PEAK1: variants seen among roughly 807,000 people sequenced by gnomAD.
PEAK1 encodes the protein inactive tyrosine-protein kinase PEAK1.
A neutral mutation model predicts 124.7 loss-of-function variants in PEAK1; 54 were observed. The ratio of observed to expected loss-of-function variants is 0.43; its 90% CI spans 0.35 to 0.54. The LOEUF (loss-of-function observed/expected upper bound fraction) is 0.54. PEAK1 is among the 20% of genes least tolerant of loss of function. PEAK1 has a pLI of 0.01. For missense variants in PEAK1, 2,046 were observed against 2,134.5 expected (o/e 0.96, Z 0.82); for synonymous variants, 719 against 760.0 (o/e 0.95, Z 0.89).
intron 7 of PEAK1, among the ~76,000 whole-genome samples, chr15:77,175,850 A>AC (rs1214106286): frequency 1.3e-5 from 2 of 152,186 alleles, no homozygotes; most frequent in African/African-American, 2.4e-5. Context: ...CTTGGAACCA[A>AC]CCCAAATGTC....
At chr15:77,410,841 CT>C (rs982623692) in intron 1 of PEAK1, among the ~76,000 whole-genome samples, 4 of 152,202 alleles carry the variant, frequency 2.6e-5, no homozygotes, top group Admixed American at 1.3e-4. Context: ...TACCTGCCCC[CT>C]ATCCTACAAA....
chr15:77,119,269 C>T (rs948798237), intron 9 of PEAK1, among the ~76,000 whole-genome samples: 7 of 152,188 alleles, frequency 4.6e-5, no homozygotes, highest in African/African-American at 1.4e-4. Context: ...GTCAGAGGAA[C>T]ATCAAAAGGG....
At chr15:77,275,640 C>T (rs1326844681) in intron 5 of PEAK1, among the ~76,000 whole-genome samples, 3 of 151,536 alleles carry the variant, frequency 2.0e-5, no homozygotes, top group South Asian at 2.1e-4. Flanking sequence ...TGCTTGAACC[C>T]GGGAGACGGA....
At chr15:77,299,193 T>A (rs6495237) in intron 2 of PEAK1, among the ~76,000 whole-genome samples, 3 of 152,032 alleles carry the variant, frequency 2.0e-5, no homozygotes, top group Admixed American at 6.5e-5. Context: ...AATATCTTAA[T>A]TTTCTTCAAG....
chr15:77,356,049 C>A, intron 2 of PEAK1: 1 of 563,810 alleles, frequency 1.8e-6, no homozygotes, highest in African/African-American at 2.0e-5. Context: ...CATGTGCACA[C>A]GACCTGGCCC....
intron 5 of PEAK1, chr15:77,255,521 T>TGAGAACAC: frequency 1.2e-5 from 4 of 323,156 alleles, no homozygotes; most frequent in Non-Finnish European, 1.8e-5. Flanking sequence ...ACAAGAAAAA[T>TGAGAACAC]ATTCCCAAAA....
intron 2 of PEAK1, chr15:77,348,200 AAG>A: frequency 1.0e-6 from 1 of 982,786 alleles, no homozygotes; most frequent in Non-Finnish European, 1.2e-6. Context: ...AAAAAAAAAA[AAG>A]AAGACTGGGA....
chr15:77,369,642 G>A (rs1286873850), intron 1 of PEAK1, among the ~76,000 whole-genome samples: 2 of 152,126 alleles, frequency 1.3e-5, no homozygotes, highest in Non-Finnish European at 2.9e-5. Context: ...AGTTTAAAGG[G>A]GATCTTTACA....
chr15:77,347,409 T>A, intron 2 of PEAK1: 1 of 985,338 alleles, frequency 1.0e-6, no homozygotes, highest in Non-Finnish European at 1.2e-6. Flanking sequence ...GAGTACTGGC[T>A]GAATCAGTGC....
At chr15:77,314,526 C>T (rs1283566825) in intron 2 of PEAK1, among the ~76,000 whole-genome samples, 8 of 152,018 alleles carry the variant, frequency 5.3e-5, no homozygotes, top group African/African-American at 1.4e-4. Context: ...CATACCACCA[C>T]GCCCAGCTAA....
chr15:77,348,534 T>C (rs1265507270), intron 2 of PEAK1: 12 of 962,602 alleles, frequency 1.2e-5, no homozygotes, highest in Non-Finnish European at 1.5e-5. Context: ...ATTTTACCTA[T>C]GAAGAAATAA....
intron 1 of PEAK1, chr15:77,419,375 T>G (rs1217037784): frequency 1.0e-6 from 1 of 984,720 alleles, no homozygotes; most frequent in Non-Finnish European, 1.2e-6. Flanking sequence ...CAAGAACGGA[T>G]GGGTCAAAGG....
At position 77,158,600 on chromosome 15, in the gene PEAK1, T is replaced by A; in HGVS notation, c.3234A>T (p.Thr1078=). The A allele has an allele frequency of 6.2e-7, 1 of 1,614,166 alleles. No homozygotes were observed. The highest frequency in any genetic ancestry group is 8.5e-7 in the Non-Finnish European group (1 of 1,179,974). ...TTTCCAGTTCAGGTAGGGACAATGC[T>A]GTTGTGACTGAAGTGCAGCCCCTGC... ...QDGRGCTSVT[T]ALSLPELERE... The change falls in exon 8 of 10, where the codon ACA becomes ACT. Residue 1078 remains threonine (T), a synonymous_variant. Coordinates refer to ENST00000682557, the MANE Select transcript of PEAK1 (RefSeq NM_001385026.1).
chr15:77,335,842 C>T, intron 2 of PEAK1: 2 of 985,370 alleles, frequency 2.0e-6, no homozygotes, highest in Non-Finnish European at 2.4e-6. Context: ...TTCCAATCTC[C>T]ATTTTACCAA....
At chr15:77,144,325 C>T (rs2054017045) in intron 8 of PEAK1, among the ~76,000 whole-genome samples, 1 of 152,130 alleles carries the variant, frequency 6.6e-6, no homozygotes, top group Non-Finnish European at 1.5e-5. Context: ...GGTGTCTGTC[C>T]TTGGCCTAGC....
At chr15:77,386,060 A>G (rs1297120163) in intron 1 of PEAK1, among the ~76,000 whole-genome samples, 1 of 152,206 alleles carries the variant, frequency 6.6e-6, no homozygotes, top group African/African-American at 2.4e-5. Flanking sequence ...GAGCTATTAT[A>G]GGAGGCACTG....
chr15:77,379,488 C>A (rs982872832), intron 1 of PEAK1, among the ~76,000 whole-genome samples: 3 of 152,086 alleles, frequency 2.0e-5, no homozygotes, highest in Admixed American at 2.0e-4. Flanking sequence ...CAATTCTATA[C>A]CCTCTGGGAA....
chr15:77,392,567 T>C (rs917803119), intron 1 of PEAK1, among the ~76,000 whole-genome samples: 15 of 152,178 alleles, frequency 9.9e-5, no homozygotes, highest in African/African-American at 3.6e-4. Context: ...ATTCATCTAT[T>C]CCTACATCTT....
At chr15:77,259,372 C>A (rs2061326463) in intron 5 of PEAK1, among the ~76,000 whole-genome samples, 1 of 152,056 alleles carries the variant, frequency 6.6e-6, no homozygotes, top group Admixed American at 6.6e-5. Flanking sequence ...AATCAATTTT[C>A]CTGATTCATA....
Sources: gnomAD v4.1 joint callset for allele counts (sites outside exome capture counted in the v4.1 genomes callset) on GRCh38, gnomAD v4.1.1 for gene constraint, MANE v1.5 for transcripts, NCBI Gene and HGNC (gene_info 2026-07-23, HGNC 2026-07-21) for gene names.